Variants in EPHB1 observed in about 807,000 individuals in gnomAD.
The protein encoded by EPHB1 is ephrin type-B receptor 1.
A neutral mutation model predicts 94.4 loss-of-function variants in EPHB1; 30 were observed. The observed-to-expected ratio is 0.32, with a 90% confidence interval of 0.24 to 0.43. The LOEUF is 0.43. Ranked by LOEUF, EPHB1 falls within the 20% of genes least tolerant of loss-of-function variation. EPHB1 has a pLI of 1.00. For synonymous variants in EPHB1, 522 were observed against 489.1 expected, an observed-to-expected ratio of 1.07 and a Z score of -0.89; for missense variants, 1,055 against 1,308.3, an observed-to-expected ratio of 0.81 and a Z score of 2.99.
intron 3 of EPHB1, among the ~76,000 whole-genome samples, chr3:134,992,385 A>G (rs548024923): frequency 1.3e-5 from 2 of 152,288 alleles, no homozygotes; most frequent in South Asian, 4.1e-4. Context: ...CTGTGCGCAA[A>G]GGACACATGC....
Position 134,925,863 on chromosome 3 carries a change from G to A in EPHB1, c.106G>A (p.Ala36Thr), listed in dbSNP as rs772984614. 4 of 1,604,516 alleles carry A rather than the reference G, an allele frequency of 2.5e-6. No homozygotes were observed. In the South Asian group the frequency reaches 3.4e-5, roughly 13 times the overall value. ...RTATAELGWT[A>T]NPASGWEEVS... ...GGCTACTGCAGAGCTGGGCTGGACG[G>A]CCAATCCTGCGTCCGGGGTGAGTAT... The change falls in exon 2 of 16, where the codon GCC becomes ACC. Residue 36 changes from alanine (A) to threonine (T), a missense_variant. Coordinates refer to ENST00000398015, the MANE Select transcript of EPHB1 (RefSeq NM_004441.5).
intron 3 of EPHB1, among the ~76,000 whole-genome samples, chr3:134,996,732 T>C (rs1030626343): frequency 3.9e-5 from 6 of 152,116 alleles, no homozygotes; most frequent in Non-Finnish European, 1.5e-5. Flanking sequence ...TTAGTTATAT[T>C]AATTTGGATC....
intron 1 of EPHB1, among the ~76,000 whole-genome samples, chr3:134,849,015 C>T (rs13090529): frequency 0.16 from 23,981 of 152,178 alleles, 2,396 homozygotes; most frequent in African/African-American, 0.29. Flanking sequence ...ATCACACCTA[C>T]GCACAAGGCG....
chr3:135,229,482 A>G (rs1943483887), intron 12 of EPHB1, among the ~76,000 whole-genome samples: 1 of 152,172 alleles, frequency 6.6e-6, no homozygotes. Context: ...TGGCCAGTGG[A>G]CACTGGTAAG....
At chr3:134,988,473 A>G (rs910916971) in intron 3 of EPHB1, among the ~76,000 whole-genome samples, 10 of 152,186 alleles carry the variant, frequency 6.6e-5, no homozygotes, top group African/African-American at 2.4e-4. Context: ...AAGCAGAACT[A>G]ATGACTGTTG....
intron 3 of EPHB1, among the ~76,000 whole-genome samples, chr3:135,048,941 G>A (rs1031015652): frequency 3.9e-5 from 6 of 152,214 alleles, no homozygotes; most frequent in African/African-American, 1.4e-4. Flanking sequence ...AGGATCTGTA[G>A]AGCTGGGAGT....
intron 11 of EPHB1, among the ~76,000 whole-genome samples, chr3:135,196,451 G>A (rs536728680): frequency 4.6e-5 from 7 of 152,076 alleles, no homozygotes; most frequent in Non-Finnish European, 8.8e-5. Flanking sequence ...GTGGGAGCAG[G>A]CAGTGCCAGG....
intron 3 of EPHB1, among the ~76,000 whole-genome samples, chr3:135,065,675 AC>A (rs1257443483): frequency 6.6e-6 from 1 of 152,016 alleles, no homozygotes; most frequent in East Asian, 1.9e-4. Context: ...GAGCATTTAG[AC>A]CATTTACATT....
At chr3:135,189,257 C>G (rs1238322938) in intron 10 of EPHB1, among the ~76,000 whole-genome samples, 1 of 152,188 alleles carries the variant, frequency 6.6e-6, no homozygotes, top group African/African-American at 2.4e-5. Context: ...GTGTGCTTTG[C>G]TTTCAAAAGT....
At chr3:135,113,791 G>A (rs1005329805) in intron 4 of EPHB1, among the ~76,000 whole-genome samples, 5 of 152,212 alleles carry the variant, frequency 3.3e-5, no homozygotes, top group Admixed American at 6.5e-5. Flanking sequence ...AACACTTGTT[G>A]CTTTAACTGT....
chr3:134,932,458 T>G (rs913546114), intron 2 of EPHB1, among the ~76,000 whole-genome samples: 2 of 152,132 alleles, frequency 1.3e-5, no homozygotes, highest in Non-Finnish European at 2.9e-5. Flanking sequence ...CAATTACGAT[T>G]TATCTGGTCT....
intron 5 of EPHB1, among the ~76,000 whole-genome samples, chr3:135,148,615 C>T (rs139556702): frequency 0.012 from 1,752 of 152,346 alleles, 22 homozygotes; most frequent in Admixed American, 0.017. Flanking sequence ...TCTTTCACAA[C>T]TTGCAGCTAG....
intron 5 of EPHB1, among the ~76,000 whole-genome samples, chr3:135,149,457 C>T (rs1941123209): frequency 6.6e-6 from 1 of 152,186 alleles, no homozygotes; most frequent in African/African-American, 2.4e-5. Flanking sequence ...CCTCTTTAAT[C>T]TTTAGCTTTA....
chr3:135,217,371 C>G (rs1943170818), intron 12 of EPHB1, among the ~76,000 whole-genome samples: 1 of 145,644 alleles, frequency 6.9e-6, no homozygotes, highest in Admixed American at 6.9e-5. Context: ...GTGATGAGGA[C>G]AAAAAGACTG....
At chr3:135,005,606 C>T (rs849853) in intron 3 of EPHB1, among the ~76,000 whole-genome samples, 29,979 of 152,214 alleles carry the variant, frequency 0.2, 5,067 homozygotes, top group African/African-American at 0.46. Context: ...TAGCAATCAG[C>T]GAGACTCCGT....
At chr3:135,057,533 C>T (rs1246332346) in intron 3 of EPHB1, among the ~76,000 whole-genome samples, 1 of 152,208 alleles carries the variant, frequency 6.6e-6, no homozygotes. Flanking sequence ...CTGCCTTCTT[C>T]CCTCTCTATA....
chr3:135,004,006 G>T (rs963242686), intron 3 of EPHB1, among the ~76,000 whole-genome samples: 2 of 150,978 alleles, frequency 1.3e-5, no homozygotes, highest in Admixed American at 1.3e-4. Flanking sequence ...TCATTATGAT[G>T]TTAGCTGGTT....
intron 4 of EPHB1, among the ~76,000 whole-genome samples, chr3:135,111,764 C>T (rs925365123): frequency 6.6e-6 from 1 of 152,190 alleles, no homozygotes; most frequent in African/African-American, 2.4e-5. Context: ...GCTGCAACCT[C>T]CACCTCCCAG....
At chr3:134,938,116 T>C (rs761753785) in intron 2 of EPHB1, among the ~76,000 whole-genome samples, 1 of 152,062 alleles carries the variant, frequency 6.6e-6, no homozygotes, top group Non-Finnish European at 1.5e-5. Context: ...AGAAACAGTG[T>C]CTTAATCCCT....
Sources: gnomAD v4.1 joint callset for allele counts (sites outside exome capture counted in the v4.1 genomes callset) on GRCh38, gnomAD v4.1.1 for gene constraint, MANE v1.5 for transcripts, NCBI Gene and HGNC (gene_info 2026-07-23, HGNC 2026-07-21) for gene names.